Variants in COX17 observed in about 807,000 individuals in gnomAD.
COX17 encodes the protein cytochrome c oxidase copper chaperone COX17, also known as cytochrome c oxidase copper chaperone.
Under a neutral mutation model 6.3 loss-of-function variants are expected in COX17, and 1 was observed. That is an observed-to-expected ratio of 0.16 (90% CI 0.06 to 0.75). The LOEUF is 0.75. Among genes scored for constraint, COX17 ranks in the 30% least tolerant of loss-of-function variants. COX17 has a pLI of 0.77. For missense variants in COX17, 73 were observed against 81.2 expected (o/e 0.90, Z 0.39); for synonymous variants, 26 against 30.5 (o/e 0.85, Z 0.49).
intron 1 of COX17, 103 bp from the exon 2 acceptor site, chr3:119,675,336 G>A (rs2107835730): frequency 1.3e-6 from 1 of 779,390 alleles, no homozygotes; most frequent in Non-Finnish European, 2.2e-6. Context: ...ATAATGGAAT[G>A]TAGCTGGAAT....
In COX17 at chr3:119,675,101, CT is replaced by C. The variant is rs750418357; in HGVS notation, c.*4+43del. 12 of 1,348,604 alleles carry C rather than the reference CT, an allele frequency of 8.9e-6. No homozygotes were observed. The Admixed American group carries it at 1.9e-4, about 21-fold the overall frequency. The allele number at this position is 1,348,604 out of a possible 1,614,324, so 83.5% of individuals were successfully genotyped here. On this transcript the variant is annotated intron_variant, in intron 2 of 2. Transcript: ENST00000261070. ...CAGAGAGAATGTAGCCCAATTGTTG[CT>C]AAATCTGTAAAGCAATACACAACTT...
intron 2 of COX17, among the ~76,000 whole-genome samples, chr3:119,673,903 C>G (rs1028259552): frequency 5.3e-5 from 8 of 151,878 alleles, no homozygotes; most frequent in Admixed American, 4.6e-4. Flanking sequence ...GCCCGGCTGC[C>G]CACTGTCTGG....
At chr3:119,666,921 C>T (rs1013898305), downstream of COX17, 4 of 152,164 alleles carry the variant, frequency 2.6e-5, no homozygotes, top group African/African-American at 7.2e-5. Flanking sequence ...CAACTTACCT[C>T]GCAGGTTACC....
downstream of COX17, among the ~76,000 whole-genome samples, chr3:119,667,720 CACACACACAGAGAGAG>C (rs1274898517): frequency 8.4e-4 from 98 of 116,622 alleles, no homozygotes; most frequent in African/African-American, 2.8e-3. Flanking sequence ...CACACACACA[CACACACACAGAGAGAG>C]AGAGACAGAG....
chr3:119,664,569 A>AGAGGCAGGC (rs1045427913), downstream of COX17, among the ~76,000 whole-genome samples: 2 of 152,210 alleles, frequency 1.3e-5, no homozygotes, highest in South Asian at 2.1e-4. Flanking sequence ...GCAGCAGACA[A>AGAGGCAGGC]GAGGCAGGCG....
chr3:119,669,148 G>T (rs2053018895), downstream of COX17: 1 of 151,156 alleles, frequency 6.6e-6, no homozygotes, highest in Non-Finnish European at 1.5e-5. Flanking sequence ...ACCCTAATCT[G>T]GTCCAAAATC....
At chr3:119,675,088 A>C in intron 2 of COX17, 57 bp downstream of exon 2, 1 of 1,190,094 alleles carries the variant, frequency 8.4e-7, no homozygotes. Flanking sequence ...GAGAGAATGT[A>C]GCCCAATTGT....
chr3:119,676,698 G>C, intron 1 of COX17: 1 of 610,940 alleles, frequency 1.6e-6, no homozygotes, highest in Non-Finnish European at 3.0e-6. Flanking sequence ...AACCTTTCCT[G>C]TTTGGTCTTA....
downstream of COX17, among the ~76,000 whole-genome samples, chr3:119,668,145 A>G (rs2053011031): frequency 6.6e-6 from 1 of 152,214 alleles, no homozygotes; most frequent in Admixed American, 6.5e-5. Flanking sequence ...CATAGAAAAA[A>G]AATTTTATTT....
intron 3 of COX17, among the ~76,000 whole-genome samples, chr3:119,664,187 A>G (rs1315631546): frequency 6.6e-6 from 1 of 152,234 alleles, no homozygotes; most frequent in Non-Finnish European, 1.5e-5. Flanking sequence ...AAATAATTCA[A>G]TCCATAGGGA....
At chr3:119,675,109 G>T in intron 2 of COX17, 36 bp downstream of exon 2, 1 of 1,409,464 alleles carries the variant, frequency 7.1e-7, no homozygotes, top group Non-Finnish European at 1.0e-6. Flanking sequence ...TGCTAAATCT[G>T]TAAAGCAATA....
Position 119,677,402 on chromosome 3 carries a change from G to T in COX17, c.-92C>A. On this transcript the variant is annotated 5_prime_UTR_variant, in exon 1 of 3. Coordinates refer to ENST00000261070, the MANE Select transcript of COX17 (RefSeq NM_005694.2). ...TCGTCCGCAGTCACTTCCGGCAGTC[G>T]CTCTAAAAAGTACAGGAAGTCCTGC... The T allele has an allele frequency of 9.9e-7, 1 of 1,005,050 alleles. No homozygotes were observed. Among genetic ancestry groups the T allele is most frequent in the Non-Finnish European group, 1.5e-6 (1 of 652,620 alleles). The allele number at this position is 1,005,050 out of a possible 1,614,324, so 62.3% of individuals were successfully genotyped here.
chr3:119,664,286 G>A (rs533330960), intron 3 of COX17, among the ~76,000 whole-genome samples: 1 of 152,342 alleles, frequency 6.6e-6, no homozygotes, highest in Non-Finnish European at 1.5e-5. Context: ...CTGGGAGGCT[G>A]AGATGGGAGG....
At chr3:119,676,827 C>A (rs1326444258) in intron 1 of COX17, 3 of 702,650 alleles carry the variant, frequency 4.3e-6, no homozygotes, top group East Asian at 2.7e-5. Context: ...TCGGACCTAA[C>A]GCAGTGCTTA....
downstream of COX17, among the ~76,000 whole-genome samples, chr3:119,668,608 T>C (rs1342682991): frequency 6.6e-6 from 1 of 151,478 alleles, no homozygotes; most frequent in Non-Finnish European, 1.5e-5. Flanking sequence ...TGAGGTCACA[T>C]AGCCAGCTAT....
chr3:119,675,809 AG>A (rs1169167971), intron 1 of COX17, among the ~76,000 whole-genome samples: 1 of 152,220 alleles, frequency 6.6e-6, no homozygotes, highest in Non-Finnish European at 1.5e-5. Context: ...CAAATAATCA[AG>A]TTAAGCCCAA....
At chr3:119,673,321 G>A (rs952765727) in intron 2 of COX17, among the ~76,000 whole-genome samples, 1 of 152,184 alleles carries the variant, frequency 6.6e-6, no homozygotes, top group Non-Finnish European at 1.5e-5. Context: ...GACAGTAAAT[G>A]AAATAGAAAA....
chr3:119,676,700 T>C (rs2053103628), intron 1 of COX17: 1 of 603,662 alleles, frequency 1.7e-6, no homozygotes, highest in Admixed American at 2.6e-5. Context: ...CCTTTCCTGT[T>C]TGGTCTTAAC....
chr3:119,677,278 C>T lies in COX17; in HGVS notation c.33G>A (p.Pro11=), dbSNP rs577993070. The change falls in exon 1 of 3, where the codon CCG becomes CCA. Residue 11 remains proline (P), a synonymous_variant. Transcript: ENST00000261070. MPGLVDSNPA[P]PESQEKKPLK... ...GCGGCTTCTTCTCCTGAGACTCAGG[C>T]GGGGCAGGGTTTGAGTCAACCAGAC... 7 of 1,611,984 alleles carry T rather than the reference C, an allele frequency of 4.3e-6. No homozygotes were observed. The highest frequency in any genetic ancestry group is 2.2e-5 in the East Asian group (1 of 44,878).
Sources: allele counts gnomAD v4.1 joint callset (sites outside exome capture counted in the v4.1 genomes callset), GRCh38; gene constraint gnomAD v4.1.1; transcripts MANE v1.5; gene names NCBI Gene and HGNC (gene_info 2026-07-23, HGNC 2026-07-21).